The following C13orf46 variants were observed in gnomAD, a reference collection of about 807,000 sequenced individuals.
The protein encoded by C13orf46 is chromosome 13 open reading frame 46.
At chr13:113,942,152 T>C in the C13orf46 span, among the ~76,000 whole-genome samples, 1 of 152,194 alleles carries the variant, frequency 6.6e-6, no homozygotes, top group African/African-American at 2.4e-5. Context: ...CAGAATCCAC[T>C]ACTGTGGTCA....
the C13orf46 span, among the ~76,000 whole-genome samples, chr13:113,938,891 C>A: frequency 6.6e-6 from 1 of 152,092 alleles, no homozygotes; most frequent in African/African-American, 2.4e-5. Flanking sequence ...TTGGGCCTCA[C>A]GCCCAGGAAG....
downstream of C13orf46, among the ~76,000 whole-genome samples, chr13:113,948,753 A>C (rs2052478939): frequency 6.6e-6 from 1 of 152,352 alleles, no homozygotes; most frequent in East Asian, 1.9e-4. Context: ...CTAAAACTAC[A>C]AAACGCTACT....
At chr13:113,940,469 CAT>C in the C13orf46 span, among the ~76,000 whole-genome samples, 16 of 143,224 alleles carry the variant, frequency 1.1e-4, no homozygotes, top group South Asian at 2.2e-4. Flanking sequence ...TCTAGGACTC[CAT>C]GTGTGAGGCT....
At chr13:113,946,886 T>A in the C13orf46 span, among the ~76,000 whole-genome samples, 1 of 152,240 alleles carries the variant, frequency 6.6e-6, no homozygotes, top group South Asian at 2.1e-4. Context: ...CTGGCTGCCC[T>A]TTGGAGCCCC....
At chr13:113,943,544 G>A in the C13orf46 span, among the ~76,000 whole-genome samples, 1 of 152,164 alleles carries the variant, frequency 6.6e-6, no homozygotes, top group African/African-American at 2.4e-5. Flanking sequence ...AGAGGGCTGT[G>A]AAATGTTTCT....
At position 113,954,551 on chromosome 13, in the gene C13orf46, G is replaced by A. The variant is rs2052505630; in HGVS notation, c.*2222C>T. On this transcript the variant is annotated 3_prime_UTR_variant, in exon 7 of 7. Coordinates refer to ENST00000636427, the MANE Select transcript of C13orf46 (RefSeq NM_001365455.2). Reference sequence around the variant, plus strand: ...CTCTCGCAGTCACAGCCGGGGCTCAGCTGCGTCCACCGTGCTCCTGGCTCC... The same window carrying A: ...CTCTCGCAGTCACAGCCGGGGCTCAACTGCGTCCACCGTGCTCCTGGCTCC... 1 of 152,688 alleles carries A rather than the reference G, an allele frequency of 6.5e-6. No homozygotes were observed. The highest frequency in any genetic ancestry group is 1.5e-5 in the Non-Finnish European group (1 of 68,310). The allele number at this position is 152,688 out of a possible 1,614,324, so 9.5% of individuals were successfully genotyped here.
chr13:113,952,529 C>T (rs2052493490), downstream of C13orf46, among the ~76,000 whole-genome samples: 2 of 152,214 alleles, frequency 1.3e-5, no homozygotes, highest in African/African-American at 4.8e-5. Flanking sequence ...CGCTCACTTA[C>T]TGGAATCTGC....
chr13:113,947,335 G>T, the C13orf46 span, among the ~76,000 whole-genome samples: 1 of 152,120 alleles, frequency 6.6e-6, no homozygotes, highest in Non-Finnish European at 1.5e-5. Flanking sequence ...GCAGGAGGGC[G>T]GACCAACCTC....
At chr13:113,968,427 C>T (rs1468609326) in intron 4 of C13orf46, 40 bp downstream of exon 4, 1 of 152,270 alleles carries the variant, frequency 6.6e-6, no homozygotes, top group African/African-American at 2.4e-5. Context: ...CTGGACAGGC[C>T]TCCCTTCTCA....
chr13:113,966,791 GTGATGATGATGATGATACCCCA>G, intron 5 of C13orf46, among the ~76,000 whole-genome samples: 1 of 152,052 alleles, frequency 6.6e-6, no homozygotes, highest in East Asian at 1.9e-4. Flanking sequence ...AGTAATGGTG[GTGATGATGATGATGATACCCCA>G]TGATGATGAT....
the C13orf46 span, among the ~76,000 whole-genome samples, chr13:113,945,601 GAAAGAAGAAAGAAAGAAAGAAAGAAAGA>G: frequency 8.8e-6 from 1 of 114,258 alleles, no homozygotes; most frequent in African/African-American, 3.5e-5. Flanking sequence ...GAGAAAGAAA[GAAAGAAGAAAGAAAGAAAGAAAGAAAGA>G]AAGAAAGAAA....
the C13orf46 span, among the ~76,000 whole-genome samples, chr13:113,936,348 G>A: frequency 6.6e-6 from 1 of 152,226 alleles, no homozygotes; most frequent in African/African-American, 2.4e-5. Flanking sequence ...TATTGGCCCC[G>A]TGGGGAGCTG....
chr13:113,949,156 TTGGGGAGCCCCCAGGC>T (rs1349824894), downstream of C13orf46, among the ~76,000 whole-genome samples: 1,077 of 152,316 alleles, frequency 7.1e-3, 7 homozygotes, highest in African/African-American at 0.021. Flanking sequence ...GGCATCAGGG[TTGGGGAGCCCCCAGGC>T]TGGGGAGCCC....
the C13orf46 span, among the ~76,000 whole-genome samples, chr13:113,940,537 C>T: frequency 0.023 from 2,134 of 91,648 alleles, 36 homozygotes; most frequent in Middle Eastern, 0.042. Context: ...GCGTTCGAGA[C>T]CCTGGTCTCT....
intron 6 of C13orf46, among the ~76,000 whole-genome samples, chr13:113,962,650 GC>G: frequency 6.6e-6 from 1 of 152,300 alleles, no homozygotes; most frequent in Admixed American, 6.5e-5. Flanking sequence ...TCTGCTGGCA[GC>G]TCTCCCCACT....
Position 113,954,904 on chromosome 13 carries a change from GCGGAGACGAGGAGGAGCA to G in C13orf46, c.*1851_*1868del, listed in dbSNP as rs2052509460. 2.2e-4 allele frequency: 40 copies of G among 185,094 alleles called. No individual in the cohort carries two copies. Among genetic ancestry groups the G allele is most frequent in the African/African-American group, 9.4e-4 (39 of 41,496 alleles). 11.5% of individuals were successfully genotyped at this position (185,094 alleles called of 1,614,324 possible). On this transcript the variant is annotated 3_prime_UTR_variant, in exon 7 of 7. Coordinates refer to ENST00000636427, the MANE Select transcript of C13orf46 (RefSeq NM_001365455.2). ...ATCTGGCAGAGACGAGGAGCATCTG[GCGGAGACGAGGAGGAGCA>G]TCTGGCGGAGACGAGGAGGAGGATC...
chr13:113,951,365 C>A (rs922196927), downstream of C13orf46, among the ~76,000 whole-genome samples: 3 of 152,178 alleles, frequency 2.0e-5, no homozygotes, highest in Admixed American at 6.5e-5. Flanking sequence ...TGGAGCCGGG[C>A]GGGGCCTTTG....
Position 113,955,229 on chromosome 13 carries a change from C to A in C13orf46, c.*1544G>T, listed in dbSNP as rs1474351285. 2 of 99,578 alleles carry A rather than the reference C, an allele frequency of 2.0e-5. No individual in the cohort carries two copies. The highest frequency in any genetic ancestry group is 5.4e-5 in the African/African-American group (1 of 18,424). The allele number at this position is 99,578 out of a possible 1,614,324, so 6.2% of individuals were successfully genotyped here. ...GGAGACGAGGAGCATCCCGTGGAGA[C>A]GAGGAGCATCTGGCGGAGACGAGGA... On this transcript the variant is annotated 3_prime_UTR_variant, in exon 7 of 7. Coordinates refer to ENST00000636427, the MANE Select transcript of C13orf46 (RefSeq NM_001365455.2).
chr13:113,955,210 G>A lies in C13orf46; in HGVS notation c.*1563C>T, dbSNP rs1343572918. 1.4e-4 allele frequency: 30 copies of A among 215,302 alleles called. 1 individual carries two copies. The highest frequency in any genetic ancestry group is 1.7e-4 in the Non-Finnish European group (18 of 108,350). 13.3% of individuals were successfully genotyped at this position (215,302 alleles called of 1,614,324 possible). On this transcript the variant is annotated 3_prime_UTR_variant, in exon 7 of 7. Coordinates refer to ENST00000636427, the MANE Select transcript of C13orf46 (RefSeq NM_001365455.2). Reference sequence around the variant, plus strand: ...GAGAGGAGGAGCATCCCGTGGAGACGAGGAGCATCCCGTGGAGACGAGGAG... The same window carrying A: ...GAGAGGAGGAGCATCCCGTGGAGACAAGGAGCATCCCGTGGAGACGAGGAG...
Sources: gnomAD v4.1 joint callset for allele counts (sites outside exome capture counted in the v4.1 genomes callset) on GRCh38, gnomAD v4.1.1 for gene constraint, MANE v1.5 for transcripts, NCBI Gene and HGNC (gene_info 2026-07-23, HGNC 2026-07-21) for gene names.